Variants in FRMD4A observed in about 807,000 individuals in gnomAD.
FRMD4A encodes FERM domain-containing protein 4A.
In FRMD4A, 29 loss-of-function variants were observed where a neutral mutation model predicts 129.1. The observed-to-expected ratio is 0.22, with a 90% CI of 0.17 to 0.31. The LOEUF is 0.31. Among genes scored for constraint, FRMD4A ranks in the 10% least tolerant of loss-of-function variants. FRMD4A has a pLI of 1.00. For synonymous variants in FRMD4A, 634 were observed against 571.6 expected (o/e 1.11, Z -1.56); for missense variants, 1,272 against 1,375.8 (o/e 0.92, Z 1.19).
chr10:13,706,044 G>A (rs1026219785), intron 13 of FRMD4A, among the ~76,000 whole-genome samples: 1 of 152,174 alleles, frequency 6.6e-6, no homozygotes, highest in African/African-American at 2.4e-5. Context: ...CAGAGCTCAT[G>A]GGGAGGGACT....
chr10:13,706,095 A>C (rs764351537), intron 13 of FRMD4A, among the ~76,000 whole-genome samples: 4 of 152,080 alleles, frequency 2.6e-5, no homozygotes, highest in Non-Finnish European at 4.4e-5. Context: ...GTGAGCTGGA[A>C]TTGGTGCCAA....
At chr10:13,876,448 G>A (rs1408106041) in intron 2 of FRMD4A, among the ~76,000 whole-genome samples, 1 of 152,092 alleles carries the variant, frequency 6.6e-6, no homozygotes, top group African/African-American at 2.4e-5. Flanking sequence ...ATGTGTGGTC[G>A]AACATCCCCT....
chr10:13,689,583 ACT>A (rs1428457659), intron 15 of FRMD4A, among the ~76,000 whole-genome samples: 8 of 138,998 alleles, frequency 5.8e-5, no homozygotes, highest in Admixed American at 3.7e-4. Context: ...ACAGGGTCTC[ACT>A]CTGTCACCTA....
At chr10:13,832,879 A>G (rs1426869527) in intron 3 of FRMD4A, among the ~76,000 whole-genome samples, 1 of 152,204 alleles carries the variant, frequency 6.6e-6, no homozygotes, top group Non-Finnish European at 1.5e-5. Flanking sequence ...GCCTCAAGCA[A>G]TCCTCCCACC....
chr10:13,942,736 C>A (rs1222601960), intron 2 of FRMD4A, among the ~76,000 whole-genome samples: 1 of 152,012 alleles, frequency 6.6e-6, no homozygotes, highest in Non-Finnish European at 1.5e-5. Context: ...AGACTGAGAC[C>A]ATCCTGGCCA....
chr10:13,925,566 C>CTTTTTGTTTTTTTT (rs2095122731), intron 2 of FRMD4A, among the ~76,000 whole-genome samples: 1 of 61,938 alleles, frequency 1.6e-5, no homozygotes, highest in Non-Finnish European at 2.7e-5. Context: ...TAGTGAAACG[C>CTTTTTGTTTTTTTT]TTTTTTTTTT....
At chr10:14,053,055 C>T (rs1834339703) in intron 2 of FRMD4A, among the ~76,000 whole-genome samples, 1 of 152,164 alleles carries the variant, frequency 6.6e-6, no homozygotes, top group Non-Finnish European at 1.5e-5. Flanking sequence ...ACATCCAAAC[C>T]ACATCCATAC....
rs7921482 is a variant in FRMD4A at position 13,705,701 on chromosome 10, T to G, written c.836+1336A>C. On this transcript the variant is annotated intron_variant, in intron 13 of 24. Coordinates refer to ENST00000357447, the MANE Select transcript of FRMD4A (RefSeq NM_018027.5). ...ACCCCACTTGGCCTGCACAGATGGATCTGTGCTCCATGGAGTGGGGCTTCT... is the reference window on the plus strand; with the variant it reads ...ACCCCACTTGGCCTGCACAGATGGAGCTGTGCTCCATGGAGTGGGGCTTCT... Among the ~76,000 whole-genome samples the G allele has an allele frequency of 8.6e-3, 1,308 of 152,292 alleles. 21 individuals are homozygous for G. The highest frequency in any genetic ancestry group is 0.03 in the African/African-American group (1,252 of 41,568).
At chr10:13,800,497 T>A (rs892831517) in intron 4 of FRMD4A, among the ~76,000 whole-genome samples, 3 of 152,206 alleles carry the variant, frequency 2.0e-5, no homozygotes, top group Admixed American at 1.3e-4. Context: ...CAGTGATTTT[T>A]CTCTGGCCAC....
At chr10:14,237,300 A>C (rs1196846829) in intron 2 of FRMD4A, among the ~76,000 whole-genome samples, 1 of 151,870 alleles carries the variant, frequency 6.6e-6, no homozygotes, top group Non-Finnish European at 1.5e-5. Context: ...TTAATCAGGG[A>C]GAAGTCACAC....
At chr10:13,985,209 C>T (rs1437727299) in intron 2 of FRMD4A, among the ~76,000 whole-genome samples, 2 of 152,238 alleles carry the variant, frequency 1.3e-5, no homozygotes, top group African/African-American at 2.4e-5. Context: ...GTCCGGCTCA[C>T]GTGTTTGGCC....
At chr10:13,958,109 C>T (rs2095420894) in intron 2 of FRMD4A, among the ~76,000 whole-genome samples, 1 of 152,084 alleles carries the variant, frequency 6.6e-6, no homozygotes, top group South Asian at 2.1e-4. Flanking sequence ...CTAGTTATCT[C>T]TTTCCTACTT....
chr10:13,833,068 C>T (rs2093815512), intron 3 of FRMD4A, among the ~76,000 whole-genome samples: 1 of 152,194 alleles, frequency 6.6e-6, no homozygotes, highest in Admixed American at 6.5e-5. Context: ...CAGTATTTAT[C>T]GAGCACCCAC....
intron 22 of FRMD4A, 134 bp downstream of exon 22, chr10:13,656,502 T>A: frequency 9.3e-7 from 1 of 1,080,896 alleles, no homozygotes; most frequent in Non-Finnish European, 1.2e-6. Flanking sequence ...AACAGCAGCG[T>A]TCCCAGAATT....
At chr10:14,069,160 C>A (rs974176002) in intron 2 of FRMD4A, among the ~76,000 whole-genome samples, 2 of 152,134 alleles carry the variant, frequency 1.3e-5, no homozygotes, top group Non-Finnish European at 2.9e-5. Flanking sequence ...AGTAGTTTGG[C>A]TAAGTCAGTG....
At chr10:14,028,252 T>G (rs1179593602) in intron 2 of FRMD4A, among the ~76,000 whole-genome samples, 1 of 152,266 alleles carries the variant, frequency 6.6e-6, no homozygotes, top group Non-Finnish European at 1.5e-5. Flanking sequence ...GGGTATATAC[T>G]GGCATAGGTG....
chr10:14,159,107 G>A (rs1183849120), intron 2 of FRMD4A, among the ~76,000 whole-genome samples: 1 of 152,086 alleles, frequency 6.6e-6, no homozygotes, highest in African/African-American at 2.4e-5. Flanking sequence ...TTATGATGAG[G>A]TCCCAATTAT....
rs975434734 is a variant in FRMD4A at position 13,694,356 on chromosome 10, C to A, written c.976-317G>T. On this transcript the variant is annotated intron_variant, in intron 14 of 24. Coordinates refer to ENST00000357447, the MANE Select transcript of FRMD4A (RefSeq NM_018027.5). ...CTTAATCTCATTGAGCTTTATTATT[C>A]CCAGCCACAAAACAGGGTAGATGCC... Among the ~76,000 whole-genome samples, 11 of 152,262 alleles carry A rather than the reference C, an allele frequency of 7.2e-5. No homozygotes were observed. In the East Asian group the frequency reaches 1.9e-3, roughly 27 times the overall value.
intron 2 of FRMD4A, among the ~76,000 whole-genome samples, chr10:14,048,794 A>G (rs749287703): frequency 2.0e-5 from 3 of 151,822 alleles, no homozygotes; most frequent in African/African-American, 7.3e-5. Flanking sequence ...TGACAGAGCG[A>G]GACTCTTGTC....
Sources: allele counts gnomAD v4.1 joint callset (sites outside exome capture counted in the v4.1 genomes callset), GRCh38; gene constraint gnomAD v4.1.1; transcripts MANE v1.5; gene names NCBI Gene and HGNC (gene_info 2026-07-23, HGNC 2026-07-21).